GPR39: variants seen among roughly 807,000 people sequenced by gnomAD.
The protein encoded by GPR39 is G protein-coupled receptor 39.
A neutral mutation model predicts 18.4 loss-of-function variants in GPR39; 23 were observed. That is an observed-to-expected ratio of 1.25 (90% confidence interval 0.90 to 1.77). GPR39 has a LOEUF of 1.77. GPR39 is among the 40% of genes most tolerant of loss of function. GPR39 has a pLI of 0.00. For synonymous variants in GPR39, 280 were observed against 257.9 expected, an observed-to-expected ratio of 1.09 and a Z score of -0.82; for missense variants, 647 against 602.4, an observed-to-expected ratio of 1.07 and a Z score of -0.78.
intron 1 of GPR39, among the ~76,000 whole-genome samples, chr2:132,485,215 A>G (rs556867138): frequency 6.6e-6 from 1 of 152,342 alleles, no homozygotes; most frequent in African/African-American, 2.4e-5. Flanking sequence ...TAAAAACACA[A>G]TATGCATACC....
intron 1 of GPR39, among the ~76,000 whole-genome samples, chr2:132,530,196 G>A (rs992301012): frequency 1.1e-4 from 16 of 152,076 alleles, no homozygotes; most frequent in East Asian, 9.6e-4. Flanking sequence ...GCACAAGAAC[G>A]ATGTGACAAA....
chr2:132,522,439 ACAAAAGC>A (rs1679442045), intron 1 of GPR39, among the ~76,000 whole-genome samples: 3 of 152,266 alleles, frequency 2.0e-5, no homozygotes, highest in South Asian at 2.1e-4. Context: ...CTGAACAATA[ACAAAAGC>A]CAAAAGCCAA....
At chr2:132,625,322 T>G (rs1022513717) in intron 1 of GPR39, among the ~76,000 whole-genome samples, 3 of 152,172 alleles carry the variant, frequency 2.0e-5, no homozygotes, top group African/African-American at 7.2e-5. Flanking sequence ...TTCTGCCCAT[T>G]TTCTCTATTG....
intron 1 of GPR39, among the ~76,000 whole-genome samples, chr2:132,513,770 G>C (rs1359711599): frequency 2.0e-5 from 3 of 152,178 alleles, no homozygotes; most frequent in Non-Finnish European, 2.9e-5. Flanking sequence ...GGAGTGCAGT[G>C]GTGCATTCAC....
intron 1 of GPR39, among the ~76,000 whole-genome samples, chr2:132,581,767 A>G (rs1174322204): frequency 6.6e-6 from 1 of 152,194 alleles, no homozygotes; most frequent in African/African-American, 2.4e-5. Context: ...CAGGGGAAGA[A>G]TTATCACCTT....
At chr2:132,559,674 A>G (rs928562589) in intron 1 of GPR39, among the ~76,000 whole-genome samples, 1 of 152,036 alleles carries the variant, frequency 6.6e-6, no homozygotes, top group Admixed American at 6.6e-5. Context: ...AGAAAGAATG[A>G]GGCCAGTGTT....
intron 1 of GPR39, among the ~76,000 whole-genome samples, chr2:132,445,025 C>T (rs1680509286): frequency 1.3e-5 from 2 of 152,162 alleles, no homozygotes; most frequent in South Asian, 4.2e-4. Flanking sequence ...AGCTCCCCTA[C>T]CGCCCATCCA....
At chr2:132,518,410 T>C (rs1034944189) in intron 1 of GPR39, among the ~76,000 whole-genome samples, 3 of 152,204 alleles carry the variant, frequency 2.0e-5, no homozygotes, top group Non-Finnish European at 4.4e-5. Flanking sequence ...AAAATTGTTA[T>C]TGAATTTTAT....
At chr2:132,569,127 G>C (rs1394110278) in intron 1 of GPR39, among the ~76,000 whole-genome samples, 1 of 152,066 alleles carries the variant, frequency 6.6e-6, no homozygotes, top group Admixed American at 6.5e-5. Flanking sequence ...TAACTTCTTA[G>C]TAAGTGGCAA....
chr2:132,626,190 C>T (rs570648915), intron 1 of GPR39, among the ~76,000 whole-genome samples: 1 of 152,228 alleles, frequency 6.6e-6, no homozygotes, highest in Non-Finnish European at 1.5e-5. Context: ...AGAGCTGGGA[C>T]TAGAATCCAA....
intron 1 of GPR39, among the ~76,000 whole-genome samples, chr2:132,582,842 C>A (rs943262803): frequency 5.9e-5 from 9 of 151,894 alleles, no homozygotes; most frequent in African/African-American, 1.2e-4. Flanking sequence ...TGACTTGTGA[C>A]CTTCACTTAG....
At chr2:132,427,959 A>G (rs1228825932) in intron 1 of GPR39, among the ~76,000 whole-genome samples, 1 of 146,818 alleles carries the variant, frequency 6.8e-6, no homozygotes, top group Non-Finnish European at 1.5e-5. Context: ...ATATATAGTT[A>G]TATTTATATT....
intron 1 of GPR39, among the ~76,000 whole-genome samples, chr2:132,519,610 T>C (rs1315700884): frequency 6.6e-6 from 1 of 152,172 alleles, no homozygotes; most frequent in African/African-American, 2.4e-5. Flanking sequence ...TCTCATCACT[T>C]GGAGACCCTT....
At position 132,438,484 on chromosome 2, in the gene GPR39, C is replaced by A. The variant is rs149491992; in HGVS notation, c.856+20586C>A. Among the ~76,000 whole-genome samples the A allele has an allele frequency of 5.4e-3, 821 of 151,770 alleles. 9 individuals are homozygous for A. The highest frequency in any genetic ancestry group is 0.019 in the African/African-American group (771 of 41,334). On this transcript the variant is annotated intron_variant, in intron 1 of 1. Transcript: ENST00000329321. ...TGGCTTGAGGTCACTGGCAGACAAC[C>A]ACTTGATTCCCTTAGGTCAGGGGTT...
At chr2:132,595,091 C>T (rs556719996) in intron 1 of GPR39, among the ~76,000 whole-genome samples, 142 of 152,274 alleles carry the variant, frequency 9.3e-4, no homozygotes, top group African/African-American at 3.2e-3. Flanking sequence ...CTCCGCCGCA[C>T]AGGCTTAAGC....
chr2:132,459,042 C>G (rs1454495607), intron 1 of GPR39, among the ~76,000 whole-genome samples: 2 of 152,310 alleles, frequency 1.3e-5, no homozygotes, highest in East Asian at 1.9e-4. Context: ...GATTCTGATT[C>G]TACACCTCTG....
At chr2:132,513,657 T>C (rs944175105) in intron 1 of GPR39, among the ~76,000 whole-genome samples, 1 of 152,254 alleles carries the variant, frequency 6.6e-6, no homozygotes, top group Non-Finnish European at 1.5e-5. Context: ...CTAAGTCTTG[T>C]CAATTAACAT....
At chr2:132,532,992 C>T (rs543787544) in intron 1 of GPR39, among the ~76,000 whole-genome samples, 9 of 152,132 alleles carry the variant, frequency 5.9e-5, no homozygotes, top group African/African-American at 2.2e-4. Context: ...GAAGTTCTGG[C>T]CAGGGCAATC....
rs116521396 is a variant in GPR39 at position 132,431,434 on chromosome 2, T to C, written c.856+13536T>C. On this transcript the variant is annotated intron_variant, in intron 1 of 1. Coordinates refer to ENST00000329321, the MANE Select transcript of GPR39 (RefSeq NM_001508.3). Reference sequence around the variant, plus strand: ...AAAAAGTTATTTAAGAAAGAAAAACTAGTAAAATTTATTAAAGTTTTGTTC... The same window carrying C: ...AAAAAGTTATTTAAGAAAGAAAAACCAGTAAAATTTATTAAAGTTTTGTTC... Among the ~76,000 whole-genome samples the C allele has an allele frequency of 3.3e-3, 506 of 152,366 alleles. 3 individuals are homozygous for C. The highest frequency in any genetic ancestry group is 0.012 in the African/African-American group (479 of 41,596).
Sources: gnomAD v4.1 joint callset for allele counts (sites outside exome capture counted in the v4.1 genomes callset) on GRCh38, gnomAD v4.1.1 for gene constraint, MANE v1.5 for transcripts, NCBI Gene and HGNC (gene_info 2026-07-23, HGNC 2026-07-21) for gene names.